The following FDFT1 variants were observed in gnomAD, a reference collection of about 807,000 sequenced individuals.
The protein encoded by FDFT1 is farnesyl-diphosphate farnesyltransferase 1, also known as squalene synthase.
In FDFT1, 68 loss-of-function variants were observed where a neutral mutation model predicts 46.8. That is an observed-to-expected ratio of 1.45 (90% CI 1.19 to 1.78). The LOEUF is 1.78. Among genes scored for constraint, FDFT1 ranks in the 40% most tolerant of loss-of-function variants. FDFT1 has a pLI of 0.00. For synonymous variants in FDFT1, 351 were observed against 185.1 expected, an observed-to-expected ratio of 1.90 and a Z score of -7.28; for missense variants, 928 against 524.4, an observed-to-expected ratio of 1.77 and a Z score of -7.52.
chr8:11,831,777 C>T (rs147214659), intron 7 of FDFT1, 107 bp downstream of exon 7: 3 of 956,610 alleles, frequency 3.1e-6, no homozygotes, highest in African/African-American at 3.2e-5. Context: ...AATTCACTAT[C>T]CTGTGGCCTA....
At chr8:11,812,961 A>G (rs1341515971) in intron 3 of FDFT1, among the ~76,000 whole-genome samples, 1 of 152,232 alleles carries the variant, frequency 6.6e-6, no homozygotes, top group Non-Finnish European at 1.5e-5. Context: ...TCATTCTGTG[A>G]ACATCATAGA....
chr8:11,807,325 ATTTTTTAAAAACT>A (rs1180743395), intron 1 of FDFT1, among the ~76,000 whole-genome samples: 1 of 151,682 alleles, frequency 6.6e-6, no homozygotes, highest in Non-Finnish European at 1.5e-5. Context: ...TTTTTAAAAA[ATTTTTTAAAAACT>A]TTTTTATGAA....
At position 11,831,542 on chromosome 8, in the gene FDFT1, G is replaced by A. The variant is rs759059516; in HGVS notation, c.904G>A (p.Ala302Thr). 1.9e-6 allele frequency: 3 copies of A among 1,614,042 alleles called. No individual in the cohort carries two copies. Among genetic ancestry groups the A allele is most frequent in the African/African-American group, 2.7e-5 (2 of 75,022 alleles). ...GGTGATGGCCATTGCCACTTTGGCT[G>A]CCTGTTATAATAACCAGCAGGTGTT... is the stretch of plus-strand genomic sequence containing the variant. The part of the protein sequence containing the change: ...PQVMAIATLA[A>T]CYNNQQVFKG... The change falls in exon 7 of 8, where the codon GCC becomes ACC. Residue 302 changes from alanine (A) to threonine (T), a missense_variant. Ala to Thr is a moderately conservative substitution (Grantham distance 58, BLOSUM62 0). Transcript: ENST00000220584.
At position 11,803,142 on chromosome 8, in the gene FDFT1, C is replaced by T. The variant is rs1806354383; in HGVS notation, c.99+211C>T. ...CTGACCTGTCCCTGCCCCCGCAAGCCGCCCTGGGCATGAGCGACTTTTGCG... is the reference window on the plus strand; with the variant it reads ...CTGACCTGTCCCTGCCCCCGCAAGCTGCCCTGGGCATGAGCGACTTTTGCG... On this transcript the variant is annotated intron_variant, in intron 1 of 7. Transcript: ENST00000220584. The T allele has an allele frequency of 4.6e-5, 66 of 1,422,824 alleles. 3 individuals are homozygous for T. The South Asian group carries it at 9.1e-4, about 20-fold the overall frequency. 88.1% of individuals were successfully genotyped at this position (1,422,824 alleles called of 1,614,324 possible). A position where few individuals can be genotyped will look rare whatever the true frequency, so the allele number is the denominator to read the frequency against.
intron 3 of FDFT1, among the ~76,000 whole-genome samples, chr8:11,811,766 T>A (rs1367872236): frequency 6.6e-6 from 1 of 152,270 alleles, no homozygotes; most frequent in Non-Finnish European, 1.5e-5. Context: ...ACGGCTGTTT[T>A]CACTGTTGTT....
chr8:11,831,622 C>A lies in FDFT1; in HGVS notation c.984C>A (p.Ala328=). The A allele has an allele frequency of 1.2e-6, 2 of 1,613,950 alleles. No individual in the cohort carries two copies. Residue 328 remains alanine, a synonymous_variant, in exon 7 of 8, where the codon GCC becomes GCA. Transcript: ENST00000220584. The part of the protein sequence containing the change: ...KGQAVTLMMD[A]TNMPAVKAII... Reference sequence around the variant, plus strand: ...AAGCAGTGACCCTGATGATGGATGCCACCAATATGCCAGCTGTCAAAGCCA... The same window carrying A: ...AAGCAGTGACCCTGATGATGGATGCAACCAATATGCCAGCTGTCAAAGCCA...
intron 7 of FDFT1, among the ~76,000 whole-genome samples, chr8:11,833,153 TC>T (rs1449933136): frequency 6.6e-6 from 1 of 152,180 alleles, no homozygotes; most frequent in Non-Finnish European, 1.5e-5. Context: ...ATGAAAATAT[TC>T]AGCCAGTGAC....
rs762192683 is a variant in FDFT1, at chr8:11,809,893, T to C, written c.381+43T>C. The C allele has an allele frequency of 1.1e-5, 16 of 1,492,694 alleles. No homozygotes were observed. In the South Asian group the frequency reaches 1.8e-4, roughly 17 times the overall value. 92.5% of individuals were successfully genotyped at this position (1,492,694 alleles called of 1,614,324 possible). On this transcript the variant is annotated intron_variant, in intron 3 of 7. Transcript: ENST00000220584. Reference sequence around the variant, plus strand: ...TCTTGTCTACGGACTGTTGTGTTCATAATTGCTAACGTGGTTGTCCGGTAG... The same window carrying C: ...TCTTGTCTACGGACTGTTGTGTTCACAATTGCTAACGTGGTTGTCCGGTAG...
intron 3 of FDFT1, among the ~76,000 whole-genome samples, chr8:11,811,709 C>A (rs1371678239): frequency 2.0e-5 from 3 of 152,226 alleles, no homozygotes; most frequent in African/African-American, 7.2e-5. Context: ...CTTGAAAGCA[C>A]AGTTGCCCCG....
chr8:11,831,162 T>C (rs1055864242), intron 6 of FDFT1, among the ~76,000 whole-genome samples: 1 of 152,220 alleles, frequency 6.6e-6, no homozygotes, highest in Non-Finnish European at 1.5e-5. Context: ...CAATAGAAAA[T>C]TCTTCCCATA....
At chr8:11,837,585 A>G (rs1397224939) in intron 7 of FDFT1, among the ~76,000 whole-genome samples, 2 of 152,148 alleles carry the variant, frequency 1.3e-5, no homozygotes, top group Non-Finnish European at 2.9e-5. Context: ...TGGTGACACT[A>G]GACAGGTGCA....
chr8:11,808,372 G>A (rs1483683144), intron 1 of FDFT1: 2 of 1,234,228 alleles, frequency 1.6e-6, no homozygotes, highest in Admixed American at 4.2e-5. Context: ...GGCCGGGGGC[G>A]GGGCTGCGGG....
At chr8:11,808,637 G>T (rs1807233811) in intron 1 of FDFT1, 157 bp from the exon 2 acceptor site, 1 of 1,397,254 alleles carries the variant, frequency 7.2e-7, no homozygotes. Context: ...GCTGCTGCTT[G>T]CCTCCTGCCG....
At chr8:11,805,901 T>C (rs565083861) in intron 1 of FDFT1, among the ~76,000 whole-genome samples, 1 of 152,220 alleles carries the variant, frequency 6.6e-6, no homozygotes, top group African/African-American at 2.4e-5. Context: ...CCTTAAAGGG[T>C]TGATTGAGTA....
chr8:11,834,530 C>CCCCAT (rs1376120774), intron 7 of FDFT1, among the ~76,000 whole-genome samples: 1 of 152,150 alleles, frequency 6.6e-6, no homozygotes, highest in Non-Finnish European at 1.5e-5. Flanking sequence ...CAAGGATGGT[C>CCCCAT]CCCAGCCAGC....
At chr8:11,807,790 G>A (rs1807053359) in intron 1 of FDFT1, among the ~76,000 whole-genome samples, 1 of 152,214 alleles carries the variant, frequency 6.6e-6, no homozygotes, top group South Asian at 2.1e-4. Context: ...GCTTTCTAGA[G>A]AATAGTAGAG....
chr8:11,809,554 C>T, intron 2 of FDFT1, 113 bp from the exon 3 acceptor site: 4 of 1,312,842 alleles, frequency 3.0e-6, no homozygotes, highest in Non-Finnish European at 4.0e-6. Flanking sequence ...CCTTATAGTT[C>T]TTTAGAGTTA....
intron 6 of FDFT1, among the ~76,000 whole-genome samples, chr8:11,830,889 A>G (rs1810683217): frequency 6.6e-6 from 1 of 152,220 alleles, no homozygotes; most frequent in Non-Finnish European, 1.5e-5. Flanking sequence ...GCCTTTACCA[A>G]GTATTGCAGA....
intron 1 of FDFT1, among the ~76,000 whole-genome samples, chr8:11,804,399 T>C (rs1806538824): frequency 6.6e-6 from 1 of 152,162 alleles, no homozygotes; most frequent in Non-Finnish European, 1.5e-5. Context: ...ATACTGTTTT[T>C]GTACATTTTG....
Sources: allele counts gnomAD v4.1 joint callset (sites outside exome capture counted in the v4.1 genomes callset), GRCh38; gene constraint gnomAD v4.1.1; transcripts MANE v1.5; gene names NCBI Gene and HGNC (gene_info 2026-07-23, HGNC 2026-07-21).